MPDU1: variants seen among roughly 807,000 people sequenced by gnomAD.
The protein encoded by MPDU1 is mannose-P-dolichol utilization defect 1, also known as mannose-P-dolichol utilization defect 1 protein.
In MPDU1, 18 loss-of-function variants were observed where a neutral mutation model predicts 27.6. The observed-to-expected ratio is 0.65, with a 90% CI of 0.45 to 0.97. The LOEUF (loss-of-function observed/expected upper bound fraction) is 0.97, where lower values mean the gene tolerates loss of function less well. Ranked by LOEUF, MPDU1 falls within the 50% of genes least tolerant of loss-of-function variation. The probability of loss-of-function intolerance (pLI) is 0.00; values close to 1 mark genes in which losing one functional copy is unlikely to be tolerated. For missense variants in MPDU1, 279 were observed against 297.4 expected, an observed-to-expected ratio of 0.94 and a Z score of 0.46; for synonymous variants, 142 against 131.1, an observed-to-expected ratio of 1.08 and a Z score of -0.57.
upstream of MPDU1, chr17:7,583,841 T>A: frequency 6.2e-7 from 1 of 1,613,074 alleles, no homozygotes; most frequent in Non-Finnish European, 8.5e-7. Flanking sequence ...CTGGAGAGAC[T>A]GGCGGAAGCT....
chr17:7,583,815 G>C (rs2071533686), upstream of MPDU1: 1 of 1,596,320 alleles, frequency 6.3e-7, no homozygotes, highest in South Asian at 1.1e-5. Flanking sequence ...CACGCGCAAC[G>C]AAAGTCAATG....
chr17:7,584,053 A>G, intron 1 of MPDU1, 88 bp downstream of exon 1: 1 of 1,314,740 alleles, frequency 7.6e-7, no homozygotes, highest in Non-Finnish European at 1.1e-6. Context: ...AAGTGACGGC[A>G]GTGACTGCCG....
chr17:7,587,182 TACC>T lies in MPDU1; in HGVS notation c.532_534del (p.His178del), dbSNP rs2071599077. On this transcript the variant is annotated inframe_deletion, in exon 6 of 7. Coordinates refer to ENST00000250124, the MANE Select transcript of MPDU1 (RefSeq NM_004870.4). ...CTAGCTTCTCCAGGCAGCCACCAAC[TACC>T]ACAACGGGCACACAGGCCAGCTCTC... 1.2e-6 allele frequency: 2 copies of T among 1,613,966 alleles called. No individual in the cohort carries two copies. The highest frequency in any genetic ancestry group is 1.3e-5 in the African/African-American group (1 of 74,882).
intron 1 of MPDU1, 114 bp downstream of exon 1, chr17:7,584,079 CG>C: frequency 9.4e-7 from 1 of 1,067,756 alleles, no homozygotes; most frequent in Non-Finnish European, 1.4e-6. Flanking sequence ...CCGAGCTGGA[CG>C]GAAGTCACTT....
rs1227722188 is a variant in MPDU1 at position 7,587,846 on chromosome 17, A to C, written c.*295A>C. 12 of 543,580 alleles carry C rather than the reference A, an allele frequency of 2.2e-5. No homozygotes were observed. The East Asian group carries it at 4.5e-4, about 20-fold the overall frequency. 33.7% of individuals were successfully genotyped at this position (543,580 alleles called of 1,614,324 possible). On this transcript the variant is annotated 3_prime_UTR_variant, in exon 7 of 7. Coordinates refer to ENST00000250124, the MANE Select transcript of MPDU1 (RefSeq NM_004870.4). Reference sequence around the variant, plus strand: ...CAGCCAAGCCTCCTCCTCTAGCAGCAATTTCCAGCTGTGTAACACTATCCT... The same window carrying C: ...CAGCCAAGCCTCCTCCTCTAGCAGCCATTTCCAGCTGTGTAACACTATCCT...
At chr17:7,583,765 G>C (rs1447697359), upstream of MPDU1, 4 of 1,314,926 alleles carry the variant, frequency 3.0e-6, no homozygotes, top group Non-Finnish European at 4.4e-6. Context: ...GGCCAGCTTC[G>C]CCGCGGGAAA....
rs775233565 is a variant in MPDU1, at chr17:7,586,678, T to C, written c.303-14T>C. 2.5e-6 allele frequency: 4 copies of C among 1,613,396 alleles called. No homozygotes were observed. Among genetic ancestry groups the C allele is most frequent in the Non-Finnish European group, 3.4e-6 (4 of 1,179,398 alleles). ...TAGGCCCGCCTTTCTTCCTCCCAAC[T>C]CTTGACTCTGCAGCTCTTGGGGTGA... is the stretch of plus-strand genomic sequence containing the variant. On this transcript the variant is annotated splice_polypyrimidine_tract_variant and intron_variant, in intron 3 of 6. Coordinates refer to ENST00000250124, the MANE Select transcript of MPDU1 (RefSeq NM_004870.4).
At position 7,586,581 on chromosome 17, in the gene MPDU1, G is replaced by C. The variant is rs1415656450; in HGVS notation, c.303-111G>C. On this transcript the variant is annotated intron_variant, in intron 3 of 6. Transcript: ENST00000250124. ...CAGAATGAGCCAGTCCCGTGTGGGG[G>C]CTGTAGAGAAGCGTGATCAGAGCAT... 3 of 942,636 alleles carry C rather than the reference G, an allele frequency of 3.2e-6. No homozygotes were observed. In the Admixed American group the frequency reaches 5.3e-5, roughly 17 times the overall value. The allele number at this position is 942,636 out of a possible 1,614,324, so 58.4% of individuals were successfully genotyped here. A position where few individuals can be genotyped will look rare whatever the true frequency, so the allele number is the denominator to read the frequency against.
chr17:7,585,550 A>C (rs2071567640), intron 1 of MPDU1, 182 bp from the exon 2 acceptor site: 1 of 597,392 alleles, frequency 1.7e-6, no homozygotes, highest in Non-Finnish European at 3.0e-6. Flanking sequence ...AAAAAAAAAA[A>C]AGTGTGGTGG....
rs2071602111 is a variant in MPDU1 at position 7,587,345 on chromosome 17, C to A, written c.618+74C>A. On this transcript the variant is annotated intron_variant, in intron 6 of 6. Transcript: ENST00000250124. ...TCTCCCAGCTAAGGGCCAAAGCTGC[C>A]CCGTGAGGAACCTTTGTCCATAAGG... 34 of 1,613,330 alleles carry A rather than the reference C, an allele frequency of 2.1e-5. No individual in the cohort carries two copies. In the South Asian group the frequency reaches 3.6e-4, roughly 17 times the overall value.
intron 3 of MPDU1, chr17:7,586,449 A>AG (rs1597864111): frequency 5.2e-6 from 3 of 579,448 alleles, no homozygotes; most frequent in Non-Finnish European, 9.2e-6. Flanking sequence ...TAAAAAAAAA[A>AG]AAAAGGGACA....
rs1007344668 is a variant in MPDU1 at position 7,585,579 on chromosome 17, A to G, written c.104-153A>G. ...GTGGTGGTTTGGAGCAGGAAGGACCAGGACTTTCTCACTGCCCTCCGCCTC... is the reference window on the plus strand; with the variant it reads ...GTGGTGGTTTGGAGCAGGAAGGACCGGGACTTTCTCACTGCCCTCCGCCTC... On this transcript the variant is annotated intron_variant, in intron 1 of 6. Coordinates refer to ENST00000250124, the MANE Select transcript of MPDU1 (RefSeq NM_004870.4). 3.8e-5 allele frequency: 26 copies of G among 683,640 alleles called. No individual in the cohort carries two copies. In the African/African-American group the frequency reaches 3.8e-4, roughly 10 times the overall value. The allele number at this position is 683,640 out of a possible 1,614,324, so 42.3% of individuals were successfully genotyped here. A position where few individuals can be genotyped will look rare whatever the true frequency, so the allele number is the denominator to read the frequency against.
In MPDU1 at chr17:7,585,722, C is replaced by G; in HGVS notation, c.104-10C>G. Reference sequence around the variant, plus strand: ...ATCTCCTGTCTGCTTACCCTTTTTTCTCTCCTCAGTCCCCTGCCTCAAGAT... The same window carrying G: ...ATCTCCTGTCTGCTTACCCTTTTTTGTCTCCTCAGTCCCCTGCCTCAAGAT... On this transcript the variant is annotated splice_polypyrimidine_tract_variant and intron_variant, in intron 1 of 6. Coordinates refer to ENST00000250124, the MANE Select transcript of MPDU1 (RefSeq NM_004870.4). The G allele has an allele frequency of 6.2e-7, 1 of 1,613,700 alleles. No homozygotes were observed. Among genetic ancestry groups the G allele is most frequent in the Non-Finnish European group, 8.5e-7 (1 of 1,179,850 alleles).
chr17:7,586,113 C>G (rs1362934845), intron 3 of MPDU1, 35 bp downstream of exon 3: 2 of 1,611,668 alleles, frequency 1.2e-6, no homozygotes, highest in Non-Finnish European at 1.7e-6. Flanking sequence ...AAGGGTAATA[C>G]CCACAACTCT....
chr17:7,587,721 C>T lies in MPDU1; in HGVS notation c.*170C>T, dbSNP rs1258869295. 9.7e-7 allele frequency: 1 copy of T among 1,029,348 alleles called. No homozygotes were observed. The allele number at this position is 1,029,348 out of a possible 1,614,324, so 63.8% of individuals were successfully genotyped here. A position where few individuals can be genotyped will look rare whatever the true frequency, so the allele number is the denominator to read the frequency against. Reference sequence around the variant, plus strand: ...AAACAAATGGTTGATGGATCCAGATCCTTAGAAAAGGAGAGGATGGGGGTA... The same window carrying T: ...AAACAAATGGTTGATGGATCCAGATTCTTAGAAAAGGAGAGGATGGGGGTA... On this transcript the variant is annotated 3_prime_UTR_variant, in exon 7 of 7. Coordinates refer to ENST00000250124, the MANE Select transcript of MPDU1 (RefSeq NM_004870.4).
At chr17:7,587,066 G>T in intron 5 of MPDU1, 49 bp downstream of exon 5, 1 of 1,302,882 alleles carries the variant, frequency 7.7e-7, no homozygotes. Context: ...AGGGTGGGGG[G>T]GAAGAGTAGA....
chr17:7,586,354 A>G, intron 3 of MPDU1: 1 of 511,182 alleles, frequency 2.0e-6, no homozygotes, highest in Non-Finnish European at 3.6e-6. Context: ...CAGGAGAATC[A>G]CTTGAACCTG....
At chr17:7,587,049 TG>T in intron 5 of MPDU1, 32 bp downstream of exon 5, 1 of 803,558 alleles carries the variant, frequency 1.2e-6, no homozygotes, top group Non-Finnish European at 1.7e-6. Context: ...CAAGATGTTG[TG>T]GGGGCAGGGT....
At chr17:7,585,217 C>T (rs1016137429) in intron 1 of MPDU1, among the ~76,000 whole-genome samples, 4 of 151,964 alleles carry the variant, frequency 2.6e-5, no homozygotes, top group Admixed American at 2.0e-4. Flanking sequence ...GGGTGGTAGG[C>T]ATCGGAGAAA....
Sources: gnomAD v4.1 joint callset for allele counts (sites outside exome capture counted in the v4.1 genomes callset) on GRCh38, gnomAD v4.1.1 for gene constraint, MANE v1.5 for transcripts, NCBI Gene and HGNC (gene_info 2026-07-23, HGNC 2026-07-21) for gene names.